Variants in CASZ1 observed in about 807,000 individuals in gnomAD.
CASZ1 encodes castor zinc finger 1.
In CASZ1, 28 loss-of-function variants were observed where a neutral mutation model predicts 135.2. The observed-to-expected ratio is 0.21, with a 90% CI of 0.15 to 0.28. The LOEUF is 0.28. CASZ1 is among the 10% of genes least tolerant of loss of function. CASZ1 has a pLI of 1.00. For synonymous variants in CASZ1, 1,068 were observed against 1,073.4 expected (o/e 0.99, Z 0.10); for missense variants, 2,161 against 2,453.3 (o/e 0.88, Z 2.52).
intron 5 of CASZ1, among the ~76,000 whole-genome samples, chr1:10,663,496 G>A (rs1327042637): frequency 6.6e-6 from 1 of 152,246 alleles, no homozygotes; most frequent in Non-Finnish European, 1.5e-5. Flanking sequence ...CTAGGGAGGA[G>A]TGGGCTCTGG....
chr1:10,639,149 G>A lies in CASZ1; in HGVS notation c.5073C>T (p.Asp1691=). 1.8e-6 allele frequency: 2 copies of A among 1,091,458 alleles called. No homozygotes were observed. Among genetic ancestry groups the A allele is most frequent in the South Asian group, 2.8e-5 (1 of 35,270 alleles). The allele number at this position is 1,091,458 out of a possible 1,614,324, so 67.6% of individuals were successfully genotyped here. Reference sequence around the variant, plus strand: ...CCTCGTCGTCGTCCTCGTCCTCGTCGTCTTCGGCCTCCTCCTCCGGCAGCT... The same window carrying A: ...CCTCGTCGTCGTCCTCGTCCTCGTCATCTTCGGCCTCCTCCTCCGGCAGCT... The part of the protein sequence containing the change: ...ELELPEEEAE[D]DEDEDDDEDD... Residue 1691 remains aspartate, a synonymous_variant, in exon 21 of 21, where the codon GAC becomes GAT. Coordinates refer to ENST00000377022, the MANE Select transcript of CASZ1 (RefSeq NM_001079843.3). The surrounding 1 kb of genome is among the most constrained non-coding windows in gnomAD (Gnocchi z 4.0).
intron 2 of CASZ1, among the ~76,000 whole-genome samples, chr1:10,742,247 C>T (rs746299838): frequency 2.0e-4 from 30 of 152,102 alleles, no homozygotes; most frequent in Admixed American, 9.2e-4. Context: ...GGCAGGAAGG[C>T]GGGAGGGGGC....
chr1:10,756,529 G>A lies in CASZ1; in HGVS notation c.-77+4172C>T, dbSNP rs1175561194. 1.3e-5 allele frequency among the ~76,000 whole-genome samples: 2 copies of A among 152,234 alleles called. No homozygotes were observed. The highest frequency in any genetic ancestry group is 2.9e-5 in the Non-Finnish European group (2 of 68,038). On this transcript the variant is annotated intron_variant, in intron 2 of 20. Coordinates refer to ENST00000377022, the MANE Select transcript of CASZ1 (RefSeq NM_001079843.3). The surrounding 1 kb of genome is among the most constrained non-coding windows in gnomAD (Gnocchi z 5.9). ...AGGGCTACAGGGCAGTGCCCAGGGC[G>A]GCATGGGGCCTGTCCAGGGGCGCTG...
intron 1 of CASZ1, among the ~76,000 whole-genome samples, chr1:10,779,376 G>A (rs1332144677): frequency 6.8e-6 from 1 of 147,606 alleles, no homozygotes; most frequent in Admixed American, 6.8e-5. Flanking sequence ...CTGAGTCACC[G>A]ATACGCCTCA....
In CASZ1 at chr1:10,660,530, G is replaced by T; in HGVS notation, c.512C>A (p.Ala171Asp). The change falls in exon 6 of 21, where the codon GCC becomes GAC. Residue 171 changes from alanine to aspartate, a missense_variant. Physicochemically the swap from Ala to Asp is moderately radical, Grantham distance 126. This residue lies in a region of CASZ1 where 590 missense variants were observed against 609.8 expected (regional missense o/e 0.97). Coordinates refer to ENST00000377022, the MANE Select transcript of CASZ1 (RefSeq NM_001079843.3). Reference protein sequence around the residue: ...GPSTRQASGEASSLRDYAAST... With the variant: ...GPSTRQASGEDSSLRDYAAST... ...GGCCGCGTAGTCCCGCAGCGAGGAG[G>T]CCTCTCCTGCAGAGGAGGATGGGGG... 1 of 1,611,388 alleles carries T rather than the reference G, an allele frequency of 6.2e-7. No homozygotes were observed. Among genetic ancestry groups the T allele is most frequent in the Non-Finnish European group, 8.5e-7 (1 of 1,179,518 alleles).
intron 2 of CASZ1, among the ~76,000 whole-genome samples, chr1:10,732,618 G>A (rs144676315): frequency 3.2e-4 from 49 of 152,276 alleles, no homozygotes; most frequent in African/African-American, 1.2e-3. Context: ...ATTCAACCTC[G>A]GGCAGGATGG....
In CASZ1 at chr1:10,665,428, T is replaced by C. The variant is rs2100292021; in HGVS notation, c.160A>G (p.Thr54Ala). 1 of 1,612,260 alleles carries C rather than the reference T, an allele frequency of 6.2e-7. No individual in the cohort carries two copies. The highest frequency in any genetic ancestry group is 8.5e-7 in the Non-Finnish European group (1 of 1,179,776). Residue 54 changes from threonine to alanine, a missense_variant, in exon 5 of 21, where the codon ACG (threonine) becomes GCG (alanine). Transcript: ENST00000377022. ...CGGGGCTGCGATGGGCTGCCCTCCG[T>C]GTGGGAGCCGGCGTCAGCTCGCTTC... Reference protein sequence around the residue: ...VEKRADAGSHTEGSPSQPRDQ... With the variant: ...VEKRADAGSHAEGSPSQPRDQ...
chr1:10,787,639 G>A (rs938547167), intron 1 of CASZ1, among the ~76,000 whole-genome samples: 9 of 152,006 alleles, frequency 5.9e-5, no homozygotes, highest in East Asian at 5.8e-4. Context: ...ATTTACACAC[G>A]CGCACGATCA....
At chr1:10,784,754 C>T (rs991822734) in intron 1 of CASZ1, among the ~76,000 whole-genome samples, 4 of 152,034 alleles carry the variant, frequency 2.6e-5, no homozygotes, top group Admixed American at 6.6e-5. Flanking sequence ...TTAGTAGAGA[C>T]GGGGTTTCAC....
intron 1 of CASZ1, among the ~76,000 whole-genome samples, chr1:10,771,074 G>A (rs1225590093): frequency 6.6e-6 from 1 of 152,224 alleles, no homozygotes; most frequent in East Asian, 1.9e-4. Flanking sequence ...AGAGATGAAG[G>A]CAGAAGCCCC....
intron 9 of CASZ1, among the ~76,000 whole-genome samples, chr1:10,655,218 G>A (rs1445605266): frequency 6.6e-6 from 1 of 152,196 alleles, no homozygotes; most frequent in Non-Finnish European, 1.5e-5. Context: ...TACCGGGGGA[G>A]GCATAGGGCT....
At chr1:10,748,357 C>T (rs555695108) in intron 2 of CASZ1, among the ~76,000 whole-genome samples, 4 of 152,300 alleles carry the variant, frequency 2.6e-5, no homozygotes, top group Admixed American at 2.0e-4. Context: ...CTCAAACAGA[C>T]GTTAGCGACG....
At chr1:10,730,088 T>C (rs1310460988) in intron 2 of CASZ1, among the ~76,000 whole-genome samples, 1 of 151,638 alleles carries the variant, frequency 6.6e-6, no homozygotes, top group Non-Finnish European at 1.5e-5. Flanking sequence ...GTGCTGGGAT[T>C]ACAAGCCATA....
chr1:10,769,266 G>A (rs1357032028), intron 1 of CASZ1, among the ~76,000 whole-genome samples: 2 of 152,240 alleles, frequency 1.3e-5, no homozygotes, highest in Admixed American at 1.3e-4. Flanking sequence ...CACTCCAGTG[G>A]CTGTGTGCTG....
chr1:10,665,620 A>G lies in CASZ1; in HGVS notation c.17-49T>C, dbSNP rs1255264743. The G allele has an allele frequency of 9.4e-6, 14 of 1,485,684 alleles. No individual in the cohort carries two copies. The South Asian group carries it at 1.9e-4, about 20-fold the overall frequency. 92.0% of individuals were successfully genotyped at this position (1,485,684 alleles called of 1,614,324 possible). On this transcript the variant is annotated intron_variant, in intron 4 of 20. Transcript: ENST00000377022. ...GAGGTCAGAGGCGTGCAAGGCCAAG[A>G]ACAACCCACCCTCCCGAACAGCCCT... is the stretch of plus-strand genomic sequence containing the variant.
Position 10,755,633 on chromosome 1 carries a change from C to T in CASZ1, c.-77+5068G>A, listed in dbSNP as rs1383985279. Among the ~76,000 whole-genome samples, 6 of 152,210 alleles carry T rather than the reference C, an allele frequency of 3.9e-5. No homozygotes were observed. Among genetic ancestry groups the T allele is most frequent in the Middle Eastern group, 3.4e-3 (1 of 294 alleles). The stretch of plus-strand genomic sequence containing the variant: ...ATGCGGGGTTTTCCTGCATCTGCTC[C>T]GAAGGCAGGGGGTGTGGGGAGAACG... On this transcript the variant is annotated intron_variant, in intron 2 of 20. Transcript: ENST00000377022. The surrounding 1 kb of genome is among the most constrained non-coding windows in gnomAD (Gnocchi z 4.3).
chr1:10,765,254 C>A (rs184050897), intron 1 of CASZ1, among the ~76,000 whole-genome samples: 1 of 151,762 alleles, frequency 6.6e-6, no homozygotes, highest in Non-Finnish European at 1.5e-5. Flanking sequence ...GATTTCTATC[C>A]GAGAGGGTAC....
intron 4 of CASZ1, among the ~76,000 whole-genome samples, chr1:10,678,400 G>A (rs1189204047): frequency 1.3e-5 from 2 of 152,032 alleles, no homozygotes; most frequent in African/African-American, 2.4e-5. Context: ...TACAGTGTGA[G>A]GGAGAGGCAG....
At chr1:10,680,636 C>G (rs960818515) in intron 4 of CASZ1, among the ~76,000 whole-genome samples, 8 of 152,172 alleles carry the variant, frequency 5.3e-5, no homozygotes, top group African/African-American at 1.7e-4. Context: ...AGGCCACACC[C>G]CGGCTGGGCC....
Sources: gnomAD v4.1 joint callset for allele counts (sites outside exome capture counted in the v4.1 genomes callset) on GRCh38, gnomAD v4.1.1 for gene constraint, gnomAD v4.1.1 regional missense constraint, Gnocchi (gnomAD v3.1) non-coding constraint, MANE v1.5 for transcripts, NCBI Gene and HGNC (gene_info 2026-07-23, HGNC 2026-07-21) for gene names.